Variants in UBFD1 observed in about 807,000 individuals in gnomAD.
UBFD1 encodes the protein ubiquitin domain-containing protein UBFD1.
UBFD1 carries 12 observed loss-of-function variants against 35.1 expected under a neutral mutation model. The observed-to-expected ratio is 0.34, with a 90% CI of 0.22 to 0.55. UBFD1 has a LOEUF of 0.55. Among genes scored for constraint, UBFD1 ranks in the 20% least tolerant of loss-of-function variants. UBFD1 has a pLI of 0.89. For missense variants in UBFD1, 337 were observed against 410.8 expected (o/e 0.82, Z 1.55); for synonymous variants, 178 against 167.6 (o/e 1.06, Z -0.48).
chr16:23,557,788 G>T lies in UBFD1; in HGVS notation c.25+21G>T, dbSNP rs1965835661. On this transcript the variant is annotated intron_variant, in intron 1 of 6. Coordinates refer to ENST00000395878, the MANE Select transcript of UBFD1 (RefSeq NM_019116.3). The stretch of plus-strand genomic sequence containing the variant: ...GGATGGTGAGTGCGGCGGGGGTGGC[G>T]GGCGCCGGGCCGGGGCTGAGGTTGC... The T allele has an allele frequency of 2.4e-6, 3 of 1,275,570 alleles. No homozygotes were observed. The African/African-American group carries it at 4.6e-5, about 20-fold the overall frequency. 79.0% of individuals were successfully genotyped at this position (1,275,570 alleles called of 1,614,324 possible). A position where few individuals can be genotyped will look rare whatever the true frequency, so the allele number is the denominator to read the frequency against.
intron 3 of UBFD1, chr16:23,559,966 C>G: frequency 8.3e-7 from 1 of 1,207,860 alleles, no homozygotes; most frequent in Non-Finnish European, 1.1e-6. Context: ...GTTTCTCTCT[C>G]TTATTTAGTG....
intron 1 of UBFD1, 26 bp from the exon 2 acceptor site, chr16:23,557,924 G>A: frequency 7.7e-7 from 1 of 1,303,130 alleles, no homozygotes; most frequent in Non-Finnish European, 9.8e-7. Flanking sequence ...CCCGCGGCGA[G>A]CGCCCACCCC....
chr16:23,559,074 T>A (rs1231941526), intron 2 of UBFD1: 1 of 160,468 alleles, frequency 6.2e-6, no homozygotes, highest in African/African-American at 2.4e-5. Flanking sequence ...GTAATCTCCA[T>A]TAAGAACAGG....
chr16:23,563,137 G>A (rs984614997), intron 5 of UBFD1, among the ~76,000 whole-genome samples: 4 of 150,592 alleles, frequency 2.7e-5, no homozygotes, highest in Non-Finnish European at 5.9e-5. Context: ...TTTGGGGCCT[G>A]CATTCTCACA....
Position 23,559,514 on chromosome 16 carries a change from C to T in UBFD1, c.402C>T (p.Pro134=), listed in dbSNP as rs202219563. 4 of 1,614,054 alleles carry T rather than the reference C, an allele frequency of 2.5e-6. No individual in the cohort carries two copies. Among genetic ancestry groups the T allele is most frequent in the African/African-American group, 2.7e-5 (2 of 75,036 alleles). The change falls in exon 3 of 7, where the codon CCC becomes CCT. Residue 134 remains proline, a synonymous_variant. Transcript: ENST00000395878. ...AAGTCATGTATAAGGGACTCGTCCCCGAGGATAAAACATTGAGAGAAATAA... is the reference window on the plus strand; with the variant it reads ...AAGTCATGTATAAGGGACTCGTCCCTGAGGATAAAACATTGAGAGAAATAA... The part of the protein sequence containing the change: ...MQKVMYKGLV[P]EDKTLREIKV...
intron 3 of UBFD1, chr16:23,561,632 A>C (rs1965935119): frequency 6.6e-6 from 1 of 152,212 alleles, no homozygotes; most frequent in Admixed American, 6.6e-5. Flanking sequence ...CAGTGGGGAA[A>C]ACTTCGGCGA....
At position 23,562,393 on chromosome 16, in the gene UBFD1, G is replaced by T. The variant is rs556674599; in HGVS notation, c.630+122G>T. 44 of 947,978 alleles carry T rather than the reference G, an allele frequency of 4.6e-5. No individual in the cohort carries two copies. In the African/African-American group the frequency reaches 5.7e-4, roughly 12 times the overall value. The allele number at this position is 947,978 out of a possible 1,614,324, so 58.7% of individuals were successfully genotyped here. On this transcript the variant is annotated intron_variant, in intron 4 of 6. Transcript: ENST00000395878. ...TTTTTTTTTTTTGAGACAGAGTCTT[G>T]CTCTGTCACCCAGGCTGGGGTGTGC...
rs1277846700 is a variant in UBFD1 at position 23,557,798 on chromosome 16, C to T, written c.25+31C>T. On this transcript the variant is annotated intron_variant, in intron 1 of 6. Coordinates refer to ENST00000395878, the MANE Select transcript of UBFD1 (RefSeq NM_019116.3). ...TGCGGCGGGGGTGGCGGGCGCCGGG[C>T]CGGGGCTGAGGTTGCGGTCGCTCCT... 7.1e-6 allele frequency: 9 copies of T among 1,275,856 alleles called. No individual in the cohort carries two copies. In the South Asian group the frequency reaches 3.0e-4, roughly 43 times the overall value. The allele number at this position is 1,275,856 out of a possible 1,614,324, so 79.0% of individuals were successfully genotyped here.
At position 23,566,992 on chromosome 16, in the gene UBFD1, A is replaced by G; in HGVS notation, c.742A>G (p.Thr248Ala). The change falls in exon 6 of 7, where the codon ACT (threonine) becomes GCT (alanine). Residue 248 changes from threonine to alanine, a missense_variant. Physicochemically the swap from Thr to Ala is moderately conservative, Grantham distance 58. Around this residue, in one of 4 missense-constraint regions of UBFD1, gnomAD observed 71 missense variants for 149.6 expected, o/e 0.47. Coordinates refer to ENST00000395878, the MANE Select transcript of UBFD1 (RefSeq NM_019116.3). ...TGTAATCCCTCTCAACTTAGAGCGG[A>G]CTGAGAAATTGCCCATGGGCTCCAT... ...DQLWIGTKERTEKLPMGSIKN... is the reference protein window; with the variant it reads ...DQLWIGTKERAEKLPMGSIKN... The G allele has an allele frequency of 6.2e-7, 1 of 1,614,162 alleles. No individual in the cohort carries two copies. Among genetic ancestry groups the G allele is most frequent in the Non-Finnish European group, 8.5e-7 (1 of 1,179,992 alleles).
rs947024715 is a variant in UBFD1, at chr16:23,558,140, C to T, written c.216C>T (p.Ser72=). The change falls in exon 2 of 7, where the codon AGC becomes AGT. Residue 72 remains serine, a synonymous_variant. Transcript: ENST00000395878. ...ACCCCGCAGCCCAGGCCTCGGTCAGCAACGGCGAAGACGCGGGCGGCGGCG... is the reference window on the plus strand; with the variant it reads ...ACCCCGCAGCCCAGGCCTCGGTCAGTAACGGCGAAGACGCGGGCGGCGGCG... ...PGDPAAQASV[S]NGEDAGGGAG... 1.9e-6 allele frequency: 3 copies of T among 1,603,918 alleles called. No individual in the cohort carries two copies. Among genetic ancestry groups the T allele is most frequent in the Non-Finnish European group, 2.6e-6 (3 of 1,176,184 alleles).
In UBFD1 at chr16:23,567,080, C is replaced by A. The variant is rs764313193; in HGVS notation, c.819+11C>A. ...GACTACCACATGATGGTAAGTAGCG[C>A]TGGCTGAGTTCAGCCCCTCTCACTA... On this transcript the variant is annotated intron_variant, in intron 6 of 6. Coordinates refer to ENST00000395878, the MANE Select transcript of UBFD1 (RefSeq NM_019116.3). 1 of 1,613,716 alleles carries A rather than the reference C, an allele frequency of 6.2e-7. No individual in the cohort carries two copies. The highest frequency in any genetic ancestry group is 2.2e-5 in the East Asian group (1 of 44,890).
At chr16:23,568,144 CTCTCTCTGT>C (rs1366315377) in intron 6 of UBFD1, among the ~76,000 whole-genome samples, 1 of 150,636 alleles carries the variant, frequency 6.6e-6, no homozygotes, top group East Asian at 2.0e-4. Context: ...TCCACCCCTA[CTCTCTCTGT>C]AGTCTTTTTT....
In UBFD1 at chr16:23,574,305, ATTTTT is replaced by A. The variant is rs1040681443; in HGVS notation, c.*3721_*3725del. The A allele has an allele frequency of 1.3e-5, 2 of 150,346 alleles. No individual in the cohort carries two copies. Among genetic ancestry groups the A allele is most frequent in the Non-Finnish European group, 3.0e-5 (2 of 67,322 alleles). The allele number at this position is 150,346 out of a possible 1,614,324, so 9.3% of individuals were successfully genotyped here. On this transcript the variant is annotated 3_prime_UTR_variant, in exon 7 of 7. Transcript: ENST00000395878. ...TAGTCTATTAGATTTGCACTGCTGG[ATTTTT>A]TTTTTAAAGTGTAACCTTGAATAGC...
At position 23,574,309 on chromosome 16, in the gene UBFD1, T is replaced by G. The variant is rs1273563573; in HGVS notation, c.*3719T>G. ...CTATTAGATTTGCACTGCTGGATTT[T>G]TTTTTTAAAGTGTAACCTTGAATAG... On this transcript the variant is annotated 3_prime_UTR_variant, in exon 7 of 7. Transcript: ENST00000395878. 2 of 152,658 alleles carry G rather than the reference T, an allele frequency of 1.3e-5. No homozygotes were observed. The highest frequency in any genetic ancestry group is 2.9e-5 in the Non-Finnish European group (2 of 68,038). The allele number at this position is 152,658 out of a possible 1,614,324, so 9.5% of individuals were successfully genotyped here.
Position 23,573,212 on chromosome 16 carries a change from G to T in UBFD1, c.*2622G>T, listed in dbSNP as rs1389253265. 2.0e-5 allele frequency: 3 copies of T among 152,242 alleles called. No individual in the cohort carries two copies. Among genetic ancestry groups the T allele is most frequent in the African/African-American group, 7.2e-5 (3 of 41,458 alleles). The allele number at this position is 152,242 out of a possible 1,614,324, so 9.4% of individuals were successfully genotyped here. On this transcript the variant is annotated 3_prime_UTR_variant, in exon 7 of 7. Transcript: ENST00000395878. ...CCTCACTGTGGCAGGGGCCGTGCAGGTGGATAAAGGAAGAGCTGGTTTCCG... is the reference window on the plus strand; with the variant it reads ...CCTCACTGTGGCAGGGGCCGTGCAGTTGGATAAAGGAAGAGCTGGTTTCCG...
chr16:23,558,507 C>A (rs970028023), intron 2 of UBFD1, among the ~76,000 whole-genome samples: 2 of 152,192 alleles, frequency 1.3e-5, no homozygotes, highest in Admixed American at 6.5e-5. Context: ...GTTTAGGCCC[C>A]AGTTTCTCAT....
At position 23,571,988 on chromosome 16, in the gene UBFD1, G is replaced by A. The variant is rs1427551997; in HGVS notation, c.*1398G>A. On this transcript the variant is annotated 3_prime_UTR_variant, in exon 7 of 7. Transcript: ENST00000395878. The stretch of plus-strand genomic sequence containing the variant: ...GTTGCAGGCTTTCATAGTAAGGTTT[G>A]GCGAGAAATGTTCCAAACATCACAT... The A allele has an allele frequency of 1.3e-5, 2 of 152,606 alleles. No individual in the cohort carries two copies. Among genetic ancestry groups the A allele is most frequent in the Non-Finnish European group, 2.9e-5 (2 of 68,032 alleles). The allele number at this position is 152,606 out of a possible 1,614,324, so 9.5% of individuals were successfully genotyped here.
In UBFD1 at chr16:23,558,172, G is replaced by A. The variant is rs1162516469; in HGVS notation, c.248G>A (p.Arg83Lys). The change falls in exon 2 of 7, where the codon AGG (arginine) becomes AAG (lysine). Residue 83 changes from arginine to lysine, a missense_variant. Around this residue, in one of 4 missense-constraint regions of UBFD1, gnomAD observed 198 missense variants for 168.4 expected, o/e 1.18. Coordinates refer to ENST00000395878, the MANE Select transcript of UBFD1 (RefSeq NM_019116.3). Reference sequence around the variant, plus strand: ...GAAGACGCGGGCGGCGGCGCGGGCAGGGAGCTGGTGGACTTGAAGATCATC... The same window carrying A: ...GAAGACGCGGGCGGCGGCGCGGGCAAGGAGCTGGTGGACTTGAAGATCATC... Reference protein sequence around the residue: ...NGEDAGGGAGRELVDLKIIWN... With the variant: ...NGEDAGGGAGKELVDLKIIWN... 6.2e-7 allele frequency: 1 copy of A among 1,606,434 alleles called. No homozygotes were observed. Among genetic ancestry groups the A allele is most frequent in the East Asian group, 2.3e-5 (1 of 43,912 alleles).
At chr16:23,568,594 G>C (rs1966042762) in intron 6 of UBFD1, 1 of 151,750 alleles carries the variant, frequency 6.6e-6, no homozygotes, top group Admixed American at 6.6e-5. Context: ...GCTGAGGTGG[G>C]CGGATCATGA....
Sources: gnomAD v4.1 joint callset for allele counts (sites outside exome capture counted in the v4.1 genomes callset) on GRCh38, gnomAD v4.1.1 for gene constraint, gnomAD v4.1.1 regional missense constraint, MANE v1.5 for transcripts, NCBI Gene and HGNC (gene_info 2026-07-23, HGNC 2026-07-21) for gene names.